Variants in BABAM2 observed in about 807,000 individuals in gnomAD.
BABAM2 encodes the protein BRISC and BRCA1-A complex member 2.
In BABAM2, 31 loss-of-function variants were observed where a neutral mutation model predicts 54.7. The ratio of observed to expected loss-of-function variants is 0.57; its 90% CI spans 0.43 to 0.77. The LOEUF (loss-of-function observed/expected upper bound fraction) is 0.77, where lower values mean the gene tolerates loss of function less well. BABAM2 is among the 30% of genes least tolerant of loss of function. BABAM2 has a pLI of 0.00. For synonymous variants in BABAM2, 167 were observed against 162.9 expected (o/e 1.03, Z -0.19); for missense variants, 364 against 455.8 (o/e 0.80, Z 1.83).
chr2:27,981,839 C>T (rs1327776954), intron 3 of BABAM2, among the ~76,000 whole-genome samples: 1 of 152,078 alleles, frequency 6.6e-6, no homozygotes, highest in Non-Finnish European at 1.5e-5. Context: ...TTTGTGTGGA[C>T]ATGTCTTCAC....
intron 6 of BABAM2, among the ~76,000 whole-genome samples, chr2:28,117,003 A>C (rs1668669782): frequency 6.6e-6 from 1 of 152,244 alleles, no homozygotes; most frequent in Non-Finnish European, 1.5e-5. Flanking sequence ...TGCCTTTAGC[A>C]TTGGCACCTC....
intron 10 of BABAM2, among the ~76,000 whole-genome samples, chr2:28,283,184 A>G (rs1204863336): frequency 6.6e-6 from 1 of 152,020 alleles, no homozygotes; most frequent in Non-Finnish European, 1.5e-5. Context: ...TGTAGTGTGT[A>G]TGTACCTCAC....
chr2:28,016,786 A>G (rs1456043667), intron 4 of BABAM2, among the ~76,000 whole-genome samples: 3 of 152,206 alleles, frequency 2.0e-5, no homozygotes, highest in Admixed American at 1.3e-4. Flanking sequence ...GTGTGCTACA[A>G]TTTGTAGTGG....
At chr2:28,110,675 A>G (rs1573598879) in intron 6 of BABAM2, among the ~76,000 whole-genome samples, 2 of 152,088 alleles carry the variant, frequency 1.3e-5, no homozygotes, top group Non-Finnish European at 2.9e-5. Context: ...ACAGGTGTGC[A>G]GATAGCTCTT....
intron 7 of BABAM2, among the ~76,000 whole-genome samples, chr2:28,136,221 C>G (rs746609234): frequency 5.8e-4 from 88 of 152,334 alleles, no homozygotes; most frequent in Non-Finnish European, 1.1e-3. Flanking sequence ...AAGTCCTGCC[C>G]ATGTTCTTAG....
intron 7 of BABAM2, among the ~76,000 whole-genome samples, chr2:28,170,305 A>C (rs538130634): frequency 6.6e-6 from 1 of 152,110 alleles, no homozygotes; most frequent in South Asian, 2.1e-4. Flanking sequence ...TTTTCTCTGG[A>C]GTGGTGTGAT....
chr2:28,100,200 A>C (rs892693570), intron 6 of BABAM2, among the ~76,000 whole-genome samples: 10 of 152,108 alleles, frequency 6.6e-5, no homozygotes, highest in Non-Finnish European at 1.2e-4. Flanking sequence ...CTGTAGTCCC[A>C]GCACTTTGGG....
chr2:27,950,552 T>C (rs997691325), intron 3 of BABAM2, among the ~76,000 whole-genome samples: 1 of 152,332 alleles, frequency 6.6e-6, no homozygotes, highest in East Asian at 1.9e-4. Flanking sequence ...TTTAATTTGC[T>C]AAAGTTTTTT....
rs117421846 is a variant in BABAM2, at chr2:27,974,418, G to A, written c.206-13575G>A. ...AAAATAATATATCATAATCAAGCAG[G>A]TTTTATTCTGGGAATGAAAGCCAAG... On this transcript the variant is annotated intron_variant, in intron 3 of 11. Transcript: ENST00000379624. Among the ~76,000 whole-genome samples, 45 of 152,084 alleles carry A rather than the reference G, an allele frequency of 3.0e-4. No individual in the cohort carries two copies. In the East Asian group the frequency reaches 4.8e-3, roughly 16 times the overall value.
chr2:28,119,731 A>T (rs1177620006), intron 6 of BABAM2, among the ~76,000 whole-genome samples: 12 of 151,732 alleles, frequency 7.9e-5, no homozygotes, highest in African/African-American at 2.4e-4. Context: ...AGATAGAATT[A>T]AAAAAAAACT....
intron 5 of BABAM2, among the ~76,000 whole-genome samples, chr2:28,032,200 T>G (rs1676345462): frequency 6.6e-6 from 1 of 152,222 alleles, no homozygotes; most frequent in Non-Finnish European, 1.5e-5. Context: ...GGATGGTCTT[T>G]ACTGTTGTCA....
In BABAM2 at chr2:27,986,740, G is replaced by C. The variant is rs867955973; in HGVS notation, c.206-1253G>C. The stretch of plus-strand genomic sequence containing the variant: ...ATTTGGATAAAATTTTATAGATACT[G>C]TTTGAGCAGTAAAAATGATTGGATT... On this transcript the variant is annotated intron_variant, in intron 3 of 11. Coordinates refer to ENST00000379624, the MANE Select transcript of BABAM2 (RefSeq NM_199191.3). Among the ~76,000 whole-genome samples, 4 of 152,264 alleles carry C rather than the reference G, an allele frequency of 2.6e-5. No homozygotes were observed. In the South Asian group the frequency reaches 8.3e-4, roughly 32 times the overall value.
At chr2:28,010,196 T>C (rs1298070220) in intron 4 of BABAM2, among the ~76,000 whole-genome samples, 24 of 152,180 alleles carry the variant, frequency 1.6e-4, no homozygotes, top group Admixed American at 1.6e-3. Context: ...CTGAATCAAA[T>C]ACCTTATTGG....
chr2:28,082,587 C>T (rs1665273919), intron 6 of BABAM2, among the ~76,000 whole-genome samples: 1 of 152,174 alleles, frequency 6.6e-6, no homozygotes, highest in African/African-American at 2.4e-5. Context: ...CTGTGAAGCA[C>T]TTCCTATAGT....
chr2:27,893,944 A>G (rs912325811), intron 1 of BABAM2, among the ~76,000 whole-genome samples: 26 of 146,534 alleles, frequency 1.8e-4, no homozygotes, highest in East Asian at 1.3e-3. Context: ...CAGTGAGCCG[A>G]GATTGCGCCA....
chr2:28,244,000 T>C (rs758652337), intron 9 of BABAM2, among the ~76,000 whole-genome samples: 1 of 152,190 alleles, frequency 6.6e-6, no homozygotes, highest in Non-Finnish European at 1.5e-5. Flanking sequence ...TATTGTCACA[T>C]TATGGCGACA....
At chr2:27,930,675 A>G (rs1048508855) in intron 3 of BABAM2, among the ~76,000 whole-genome samples, 3 of 152,250 alleles carry the variant, frequency 2.0e-5, no homozygotes, top group Non-Finnish European at 4.4e-5. Flanking sequence ...TTCCTGGACC[A>G]TAAGTTATTG....
chr2:28,281,772 G>A (rs1686381909), intron 10 of BABAM2, among the ~76,000 whole-genome samples: 1 of 152,218 alleles, frequency 6.6e-6, no homozygotes, highest in Admixed American at 6.5e-5. Context: ...GCTACTTTGT[G>A]TTCCTGAGTT....
At chr2:28,316,626 G>A (rs1300234375) in intron 11 of BABAM2, among the ~76,000 whole-genome samples, 2 of 152,118 alleles carry the variant, frequency 1.3e-5, no homozygotes, top group Non-Finnish European at 2.9e-5. Context: ...AGCCTTTGTG[G>A]TCTGATAACA....
Sources: allele counts gnomAD v4.1 joint callset (sites outside exome capture counted in the v4.1 genomes callset), GRCh38; gene constraint gnomAD v4.1.1; transcripts MANE v1.5; gene names NCBI Gene and HGNC (gene_info 2026-07-23, HGNC 2026-07-21).